TNS2: variants seen among roughly 807,000 people sequenced by gnomAD.
The protein encoded by TNS2 is tensin-2.
A neutral mutation model predicts 155.7 loss-of-function variants in TNS2; 77 were observed. The ratio of observed to expected loss-of-function variants is 0.49; its 90% CI spans 0.41 to 0.60. The LOEUF (loss-of-function observed/expected upper bound fraction) is 0.60, where lower values mean the gene tolerates loss of function less well. Among genes scored for constraint, TNS2 ranks in the 20% least tolerant of loss-of-function variants. The pLI, the probability that TNS2 is intolerant of heterozygous loss-of-function variation, is 0.00. For synonymous variants in TNS2, 726 were observed against 763.9 expected (o/e 0.95, Z 0.82); for missense variants, 1,703 against 1,868.8 (o/e 0.91, Z 1.64).
rs758034845 is a variant in TNS2 at position 53,063,242 on chromosome 12, C to T, written c.3977C>T (p.Thr1326Met). 14 of 1,612,656 alleles carry T rather than the reference C, an allele frequency of 8.7e-6. No homozygotes were observed. The highest frequency in any genetic ancestry group is 1.7e-4 in the Middle Eastern group (1 of 6,050). ...FKVSAQGITL[T>M]DNQRKLFFRR... is the part of the protein sequence containing the mutation. ...GTGTCAGCCCAGGGCATTACACTGACGGACAACCAAAGGAAGTATGTATAC... is the reference window on the plus strand; with the variant it reads ...GTGTCAGCCCAGGGCATTACACTGATGGACAACCAAAGGAAGTATGTATAC... Residue 1326 changes from threonine to methionine, a missense_variant, in exon 26 of 29, where the codon ACG (threonine) becomes ATG (methionine). Physicochemically the swap from Thr to Met is moderately conservative, Grantham distance 81 (BLOSUM62 -1). Transcript: ENST00000314250. The surrounding 1 kb of genome is among the most constrained non-coding windows in gnomAD (Gnocchi z 5.6).
intron 3 of TNS2, 47 bp downstream of exon 3, chr12:53,052,539 T>G (rs376221618): frequency 5.7e-5 from 92 of 1,611,088 alleles, no homozygotes; most frequent in Non-Finnish European, 7.7e-5. Flanking sequence ...CTGGAGTCCC[T>G]TCCTCCTCCC....
chr12:53,052,592 C>G (rs1404654279), intron 3 of TNS2, 100 bp downstream of exon 3: 10 of 1,481,826 alleles, frequency 6.7e-6, no homozygotes, highest in Non-Finnish European at 8.5e-6. Flanking sequence ...CCTCCACCTC[C>G]ACCCCTCTCA....
At chr12:53,055,081 G>A in intron 7 of TNS2, 105 bp from the exon 8 acceptor site, 1 of 1,356,874 alleles carries the variant, frequency 7.4e-7, no homozygotes, top group Non-Finnish European at 1.0e-6. Flanking sequence ...ACTGCGACCG[G>A]CCTGCACCTT....
In TNS2 at chr12:53,050,178, C is replaced by T. The variant is rs1476820163; in HGVS notation, c.-8C>T. 1.2e-5 allele frequency: 19 copies of T among 1,610,328 alleles called. No individual in the cohort carries two copies. The highest frequency in any genetic ancestry group is 8.8e-5 in the South Asian group (8 of 90,432). On this transcript the variant is annotated 5_prime_UTR_variant, in exon 1 of 29. Coordinates refer to ENST00000314250, the MANE Select transcript of TNS2 (RefSeq NM_170754.4). The surrounding 1 kb of genome is among the most constrained non-coding windows in gnomAD (Gnocchi z 4.7). ...CCCTGGGGCCAGCACCCCAGCCAGCCGAACACCATGAAGTCCAGCGGCCCT... is the reference window on the plus strand; with the variant it reads ...CCCTGGGGCCAGCACCCCAGCCAGCTGAACACCATGAAGTCCAGCGGCCCT...
Position 53,060,145 on chromosome 12 carries a change from G to C in TNS2, c.2504G>C (p.Ser835Thr), listed in dbSNP as rs768046081. ...SPRAGSISPG[S>T]PPYPQSRKLS... ...CGGGCTGGCTCCATTTCCCCGGGCA[G>C]CCCGCCCTATCCACAATCTAGGAAG... Residue 835 changes from serine to threonine, a missense_variant, in exon 18 of 29, where the codon AGC becomes ACC. Physicochemically the swap from Ser to Thr is moderately conservative, Grantham distance 58 (BLOSUM62 1). Transcript: ENST00000314250. The surrounding 1 kb of genome is among the most constrained non-coding windows in gnomAD (Gnocchi z 6.1). 8.1e-6 allele frequency: 13 copies of C among 1,609,840 alleles called. No homozygotes were observed. In the East Asian group the frequency reaches 2.9e-4, roughly 36 times the overall value.
upstream of TNS2, among the ~76,000 whole-genome samples, chr12:53,047,668 C>T (rs1425752729): frequency 6.6e-6 from 1 of 152,004 alleles, no homozygotes; most frequent in Non-Finnish European, 1.5e-5. Context: ...CACACGCAGG[C>T]CCGGGACCCG....
Position 53,050,272 on chromosome 12 carries a change from C to A in TNS2, c.75+12C>A. 1 of 1,597,522 alleles carries A rather than the reference C, an allele frequency of 6.3e-7. No individual in the cohort carries two copies. Among genetic ancestry groups the A allele is most frequent in the Admixed American group, 1.7e-5 (1 of 57,914 alleles). On this transcript the variant is annotated intron_variant, in intron 1 of 28. Coordinates refer to ENST00000314250, the MANE Select transcript of TNS2 (RefSeq NM_170754.4). This position sits in a 1 kb window ranked among gnomAD's most constrained non-coding sequence, Gnocchi z 4.7. ...GGGCCGCAAGCAGGGTAGGAGTGCC[C>A]ACCAGCTGGGCAAAAGAGGGGCAGG... is the stretch of plus-strand genomic sequence containing the variant.
chr12:53,060,250 C>T lies in TNS2; in HGVS notation c.2609C>T (p.Ala870Val). The part of the protein sequence containing the change: ...PGHLASAGPL[A>V]SAESLEPVSW... The stretch of plus-strand genomic sequence containing the variant: ...CACCTGGCCTCAGCAGGACCTTTGG[C>T]ATCTGCAGGTGAGGGGCACCAGAGT... The change falls in exon 18 of 29, where the codon GCA becomes GTA. Residue 870 changes from alanine to valine, a missense_variant. Ala to Val is a moderately conservative substitution (Grantham distance 64). Coordinates refer to ENST00000314250, the MANE Select transcript of TNS2 (RefSeq NM_170754.4). The surrounding 1 kb of genome is among the most constrained non-coding windows in gnomAD (Gnocchi z 6.1). 1.3e-6 allele frequency: 2 copies of T among 1,540,428 alleles called. No homozygotes were observed. Among genetic ancestry groups the T allele is most frequent in the Non-Finnish European group, 8.8e-7 (1 of 1,142,818 alleles).
At chr12:53,048,521 C>T (rs906635520), upstream of TNS2, among the ~76,000 whole-genome samples, 3 of 152,130 alleles carry the variant, frequency 2.0e-5, no homozygotes, top group Non-Finnish European at 4.4e-5. Flanking sequence ...AGGCCAGGCC[C>T]GGTTGCCCAC....
At chr12:53,058,911 C>T in intron 17 of TNS2, 84 bp downstream of exon 17, 1 of 1,567,260 alleles carries the variant, frequency 6.4e-7, no homozygotes, top group South Asian at 1.1e-5. Context: ...ACACTCCCTC[C>T]TCCCCAGGCA....
At position 53,063,756 on chromosome 12, in the gene TNS2, C is replaced by G; in HGVS notation, c.4104C>G (p.Phe1368Leu). ...PDGTTSKIFG[F>L]VAKKPGSPWE... is the part of the protein sequence containing the mutation. ...TTTATCCCCCTAGGATCTTTGGTTT[C>G]GTGGCCAAGAAGCCGGGAAGCCCCT... Residue 1368 changes from phenylalanine to leucine, a missense_variant, in exon 29 of 29, where the codon TTC (phenylalanine) becomes TTG (leucine). Physicochemically the swap from Phe to Leu is conservative, Grantham distance 22. Coordinates refer to ENST00000314250, the MANE Select transcript of TNS2 (RefSeq NM_170754.4). The surrounding 1 kb of genome is among the most constrained non-coding windows in gnomAD (Gnocchi z 5.6). 1.2e-6 allele frequency: 2 copies of G among 1,614,102 alleles called. No homozygotes were observed. The highest frequency in any genetic ancestry group is 3.3e-5 in the Admixed American group (2 of 60,014).
rs780031234 is a variant in TNS2 at position 53,054,357 on chromosome 12, C to G, written c.438C>G (p.Pro146=). 6.2e-6 allele frequency: 10 copies of G among 1,612,550 alleles called. No individual in the cohort carries two copies. Among genetic ancestry groups the G allele is most frequent in the Non-Finnish European group, 7.6e-6 (9 of 1,179,822 alleles). ...VTERILAAAF[P]ARPDEQRHRG... The stretch of plus-strand genomic sequence containing the variant: ...AGCGCATCTTGGCCGCCGCCTTCCC[C>G]GCGCGGCCCGATGAACAGCGGCACC... The change falls in exon 7 of 29, where the codon CCC becomes CCG. Residue 146 remains proline, a synonymous_variant. Transcript: ENST00000314250.
intron 8 of TNS2, 78 bp from the exon 9 acceptor site, chr12:53,055,490 C>A: frequency 6.5e-7 from 1 of 1,527,772 alleles, no homozygotes; most frequent in Non-Finnish European, 8.8e-7. Flanking sequence ...GACCCCTATG[C>A]CCTGTCCCCT....
At position 53,058,322 on chromosome 12, in the gene TNS2, T is replaced by A. The variant is rs1944234642; in HGVS notation, c.1102T>A (p.Cys368Ser). Reference protein sequence around the residue: ...LLLKGDVMVTCYHKGGRGTDR... With the variant: ...LLLKGDVMVTSYHKGGRGTDR... Reference sequence around the variant, plus strand: ...CCTCCTGCCTTTCTCCCAGGTAACATGTTATCACAAGGGTGGCCGGGGCAC... The same window carrying A: ...CCTCCTGCCTTTCTCCCAGGTAACAAGTTATCACAAGGGTGGCCGGGGCAC... Residue 368 changes from cysteine (C) to serine (S), a missense_variant, in exon 15 of 29, where the codon TGT becomes AGT. Coordinates refer to ENST00000314250, the MANE Select transcript of TNS2 (RefSeq NM_170754.4). The A allele has an allele frequency of 6.2e-7, 1 of 1,614,096 alleles. No individual in the cohort carries two copies. The highest frequency in any genetic ancestry group is 1.1e-5 in the South Asian group (1 of 91,086).
upstream of TNS2, chr12:53,049,874 C>A (rs554124283): frequency 1.3e-5 from 6 of 457,848 alleles, no homozygotes; most frequent in African/African-American, 1.0e-4. Context: ...AGGTGTGGGA[C>A]AACTCCAGAG....
chr12:53,055,050 C>T (rs1276733803), intron 7 of TNS2, 136 bp from the exon 8 acceptor site: 4 of 957,754 alleles, frequency 4.2e-6, no homozygotes, highest in Non-Finnish European at 3.2e-6. Flanking sequence ...TCCCAAAGTG[C>T]TGGGGTTATA....
At position 53,059,124 on chromosome 12, in the gene TNS2, C is replaced by T; in HGVS notation, c.1483C>T (p.Pro495Ser). ...GCAGCGGCCTCCCCGGCAGACCCCC[C>T]CGGCACCCTCTCCAGAGCCTCCACC... The part of the protein sequence containing the change: ...QVQRPPRQTP[P>S]APSPEPPPPP... Residue 495 changes from proline (P) to serine (S), a missense_variant, in exon 18 of 29, where the codon CCG (proline) becomes TCG (serine). Pro to Ser is a moderately conservative substitution (Grantham distance 74, BLOSUM62 -1). Transcript: ENST00000314250. This position sits in a 1 kb window ranked among gnomAD's most constrained non-coding sequence, Gnocchi z 4.7. 1 of 1,574,420 alleles carries T rather than the reference C, an allele frequency of 6.4e-7. No homozygotes were observed.
In TNS2 at chr12:53,060,081, G is replaced by A. The variant is rs766782674; in HGVS notation, c.2440G>A (p.Glu814Lys). The A allele has an allele frequency of 3.7e-6, 6 of 1,612,062 alleles. No individual in the cohort carries two copies. The South Asian group carries it at 4.4e-5, about 12-fold the overall frequency. The change falls in exon 18 of 29, where the codon GAG becomes AAG. Residue 814 changes from glutamate (E) to lysine (K), a missense_variant. Coordinates refer to ENST00000314250, the MANE Select transcript of TNS2 (RefSeq NM_170754.4). This position sits in a 1 kb window ranked among gnomAD's most constrained non-coding sequence, Gnocchi z 6.1. ...RVPHSCGSPG[E>K]GRGYPSPGAH... Reference sequence around the variant, plus strand: ...GCCTCATAGCTGTGGCTCTCCAGGAGAGGGCAGAGGGTATCCCAGCCCTGG... The same window carrying A: ...GCCTCATAGCTGTGGCTCTCCAGGAAAGGGCAGAGGGTATCCCAGCCCTGG...
Position 53,062,435 on chromosome 12 carries a change from C to T in TNS2, c.3727C>T (p.Leu1243=). The part of the protein sequence containing the change: ...SISPISLPCC[L]RIPSKDPLEE... ...CTCCCCCATCTCCCTGCCCTGCTGC[C>T]TGCGCATTCCCAGCAAAGGTGAGTG... is the stretch of plus-strand genomic sequence containing the variant. The change falls in exon 24 of 29, where the codon CTG becomes TTG. Residue 1243 remains leucine (L), a synonymous_variant. Transcript: ENST00000314250. The T allele has an allele frequency of 6.2e-7, 1 of 1,614,022 alleles. No individual in the cohort carries two copies. The highest frequency in any genetic ancestry group is 1.7e-4 in the Middle Eastern group (1 of 6,022).
Sources: allele counts gnomAD v4.1 joint callset (sites outside exome capture counted in the v4.1 genomes callset), GRCh38; gene constraint gnomAD v4.1.1; non-coding constraint Gnocchi (gnomAD v3.1); transcripts MANE v1.5; gene names NCBI Gene and HGNC (gene_info 2026-07-23, HGNC 2026-07-21).